The following USP9X variants were observed in gnomAD, a reference collection of about 807,000 sequenced individuals.
USP9X encodes ubiquitin carboxyl-terminal hydrolase 9X.
USP9X carries 7 observed loss-of-function variants against 190.3 expected under a neutral mutation model. The ratio of observed to expected loss-of-function variants is 0.04; its 90% CI spans 0.02 to 0.07. The LOEUF (loss-of-function observed/expected upper bound fraction) is 0.07. USP9X is among the 10% of genes least tolerant of loss of function. The probability of loss-of-function intolerance (pLI) is 1.00; values close to 1 mark genes in which losing one functional copy is unlikely to be tolerated. For missense variants in USP9X, 1,010 were observed against 1,916.9 expected, an observed-to-expected ratio of 0.53 and a Z score of 8.83; for synonymous variants, 645 against 659.5, an observed-to-expected ratio of 0.98 and a Z score of 0.34.
chrX:41,151,680 T>A (rs897055209), intron 13 of USP9X, among the ~76,000 whole-genome samples: 4 of 112,503 alleles, frequency 3.6e-5, no homozygotes, highest in Non-Finnish European at 7.5e-5. Flanking sequence ...TTGTAAAAAT[T>A]CTGTAAAGAA....
chrX:41,088,459 A>C (rs778045376), intron 1 of USP9X, among the ~76,000 whole-genome samples: 2 of 112,690 alleles, frequency 1.8e-5, no homozygotes, highest in African/African-American at 6.4e-5. Context: ...TTGGTCACAC[A>C]ACAAGTGTCT....
At position 41,197,637 on chromosome X, in the gene USP9X, C is replaced by G. The variant is rs1252023513; in HGVS notation, c.4380+127C>G. 4 of 618,119 alleles carry G rather than the reference C, an allele frequency of 6.5e-6. No homozygotes were observed. In the African/African-American group the frequency reaches 7.0e-5, roughly 11 times the overall value. 50.9% of individuals were successfully genotyped at this position (618,119 alleles called of 1,213,427 possible). On this transcript the variant is annotated intron_variant, in intron 29 of 44. Transcript: ENST00000378308. ...TTGATCTTTTCTCTTTTTTAAGAAT[C>G]TTTATCAAATTTACAGTAATTTAAG...
chrX:41,225,487 C>T (rs755855721), intron 41 of USP9X, among the ~76,000 whole-genome samples: 1 of 111,902 alleles, frequency 8.9e-6, no homozygotes, highest in South Asian at 3.7e-4. Flanking sequence ...GAATTAGTCA[C>T]TTGAAGCAAC....
At chrX:41,178,773 A>ATTTT (rs2062801443) in intron 21 of USP9X, among the ~76,000 whole-genome samples, 2 of 111,678 alleles carry the variant, frequency 1.8e-5, no homozygotes, top group Non-Finnish European at 1.9e-5. Context: ...TCTTAGCCAA[A>ATTTT]AAGTCCTTGC....
chrX:41,189,578 A>G lies in USP9X; in HGVS notation c.3977+103A>G, dbSNP rs919272871. ...CCAAAATTAAATATTTATTGTCTCT[A>G]TGGCATATTGGTATTGAGGAAAATT... On this transcript the variant is annotated intron_variant, in intron 26 of 44. Transcript: ENST00000378308. 1.4e-4 allele frequency: 107 copies of G among 771,206 alleles called. No individual in the cohort carries two copies. In the Admixed American group the frequency reaches 2.0e-3, roughly 14 times the overall value. The allele number at this position is 771,206 out of a possible 1,213,427, so 63.6% of individuals were successfully genotyped here.
At chrX:41,180,124 A>T (rs2062813163) in intron 21 of USP9X, among the ~76,000 whole-genome samples, 2 of 112,205 alleles carry the variant, frequency 1.8e-5, no homozygotes, top group Admixed American at 9.5e-5. Context: ...CATTTTCTAA[A>T]TTAAACACCT....
chrX:41,135,673 C>T (rs200380092), intron 5 of USP9X, among the ~76,000 whole-genome samples: 158 of 112,008 alleles, frequency 1.4e-3, no homozygotes, highest in Admixed American at 0.012. Flanking sequence ...CTCTGTCTCC[C>T]AGGCTGGAGT....
Position 41,118,829 on chromosome X carries a change from G to A in USP9X, c.-158-4642G>A, listed in dbSNP as rs781774551. Among the ~76,000 whole-genome samples the A allele has an allele frequency of 1.7e-3, 189 of 111,739 alleles. 1 individual carries two copies. Among genetic ancestry groups the A allele is most frequent in the African/African-American group, 6.0e-3 (184 of 30,747 alleles). On this transcript the variant is annotated intron_variant, in intron 1 of 44. Transcript: ENST00000378308. Reference sequence around the variant, plus strand: ...CAACTCTCTAGTGGTTTTCACCTCAGTTTCAATGTTAAGAACTGTACGAAC... The same window carrying A: ...CAACTCTCTAGTGGTTTTCACCTCAATTTCAATGTTAAGAACTGTACGAAC...
At chrX:41,171,410 A>G (rs1405076724) in intron 20 of USP9X, among the ~76,000 whole-genome samples, 1 of 112,239 alleles carries the variant, frequency 8.9e-6, no homozygotes, top group Non-Finnish European at 1.9e-5. Context: ...TCAGTAACAT[A>G]TAGCCAAAGA....
intron 1 of USP9X, among the ~76,000 whole-genome samples, chrX:41,095,643 A>AT (rs2061984621): frequency 8.9e-6 from 1 of 112,010 alleles, no homozygotes; most frequent in African/African-American, 3.3e-5. Context: ...GTTATGGGAG[A>AT]TGGAACTGAA....
rs905623370 is a variant in USP9X, at chrX:41,223,489, G to C, written c.6751+87G>C. ...TTTTGCTGTTGTTGCCCAGGCTGGA[G>C]TGCAATGGCGTGATCTCGGCTCACT... On this transcript the variant is annotated intron_variant, in intron 39 of 44. Coordinates refer to ENST00000378308, the MANE Select transcript of USP9X (RefSeq NM_001039591.3). The C allele has an allele frequency of 4.1e-6, 4 of 966,068 alleles. No homozygotes were observed. The African/African-American group carries it at 7.7e-5, about 19-fold the overall frequency. 79.6% of individuals were successfully genotyped at this position (966,068 alleles called of 1,213,427 possible). A position where few individuals can be genotyped will look rare whatever the true frequency, so the allele number is the denominator to read the frequency against.
chrX:41,177,592 T>A (rs1275168376), intron 21 of USP9X, among the ~76,000 whole-genome samples: 1 of 112,413 alleles, frequency 8.9e-6, no homozygotes, highest in Non-Finnish European at 1.9e-5. Context: ...AGATGCTTTG[T>A]GTAGAGAGAT....
rs1569169596 is a variant in USP9X at position 41,150,941 on chromosome X, C to T, written c.1647C>T (p.Ile549=). ...TTAAGGACCGTGATACACAAAAGAT[C>T]CAATGGATAGATCGCTTTATAGAAG... ...SCSQDRDTQK[I]QWIDRFIEEL... is the part of the protein sequence containing the mutation. Residue 549 remains isoleucine, a synonymous_variant, in exon 13 of 45, where the codon ATC becomes ATT. Transcript: ENST00000378308. 1 of 1,205,719 alleles carries T rather than the reference C, an allele frequency of 8.3e-7. No individual in the cohort carries two copies. The highest frequency in any genetic ancestry group is 3.0e-5 in the East Asian group (1 of 33,642).
chrX:41,118,338 A>G (rs1296424571), intron 1 of USP9X, among the ~76,000 whole-genome samples: 1 of 110,647 alleles, frequency 9.0e-6, no homozygotes, highest in East Asian at 2.8e-4. Context: ...TGTTTCTGCA[A>G]GCGTGACTAA....
At chrX:41,135,250 C>G (rs2062361344) in intron 5 of USP9X, among the ~76,000 whole-genome samples, 1 of 110,757 alleles carries the variant, frequency 9.0e-6, no homozygotes, top group African/African-American at 3.3e-5. Flanking sequence ...AATGAACTTG[C>G]TATGCAGAAA....
Position 41,215,836 on chromosome X carries a change from G to A in USP9X, c.5332-63G>A. 9 of 872,348 alleles carry A rather than the reference G, an allele frequency of 1.0e-5. No individual in the cohort carries two copies. In the South Asian group the frequency reaches 2.5e-4, roughly 24 times the overall value. The allele number at this position is 872,348 out of a possible 1,213,427, so 71.9% of individuals were successfully genotyped here. On this transcript the variant is annotated intron_variant, in intron 34 of 44. Coordinates refer to ENST00000378308, the MANE Select transcript of USP9X (RefSeq NM_001039591.3). Reference sequence around the variant, plus strand: ...AATATCATTTAAAAGTTTGCTTGGGGTTTTTTTTTTTTTCCTGTGGATTTT... The same window carrying A: ...AATATCATTTAAAAGTTTGCTTGGGATTTTTTTTTTTTTCCTGTGGATTTT...
At chrX:41,134,001 A>C (rs2062348820) in intron 4 of USP9X, among the ~76,000 whole-genome samples, 1 of 112,272 alleles carries the variant, frequency 8.9e-6, no homozygotes, top group African/African-American at 3.2e-5. Flanking sequence ...TCCTGACTGT[A>C]AAATGATGGA....
At chrX:41,204,352 C>T (rs182680459) in intron 31 of USP9X, among the ~76,000 whole-genome samples, 153 of 110,332 alleles carry the variant, frequency 1.4e-3, no homozygotes, top group African/African-American at 4.7e-3. Flanking sequence ...GTTGCCTGTA[C>T]CTCTGATGTC....
At position 41,205,451 on chromosome X, in the gene USP9X, G is replaced by A. The variant is rs375537832; in HGVS notation, c.4973G>A (p.Arg1658Gln). ...QVIFGHLAAS[R>Q]LQYYVPRGFW... ...ATCTTTGGTCATTTAGCTGCTTCTCGACTGCAATACTATGTGCCCAGAGGA... is the reference window on the plus strand; with the variant it reads ...ATCTTTGGTCATTTAGCTGCTTCTCAACTGCAATACTATGTGCCCAGAGGA... Residue 1658 changes from arginine (R) to glutamine (Q), a missense_variant, in exon 32 of 45, where the codon CGA (arginine) becomes CAA (glutamine). Arg to Gln is a conservative substitution (Grantham distance 43, BLOSUM62 1). This residue lies in a region of USP9X where 120 missense variants were observed against 342.7 expected (regional missense o/e 0.35). Coordinates refer to ENST00000378308, the MANE Select transcript of USP9X (RefSeq NM_001039591.3). 24 of 1,208,753 alleles carry A rather than the reference G, an allele frequency of 2.0e-5. No homozygotes were observed. Among genetic ancestry groups the A allele is most frequent in the African/African-American group, 7.0e-5 (4 of 57,035 alleles).
Sources: gnomAD v4.1 joint callset for allele counts (sites outside exome capture counted in the v4.1 genomes callset) on GRCh38, gnomAD v4.1.1 for gene constraint, gnomAD v4.1.1 regional missense constraint, MANE v1.5 for transcripts, NCBI Gene and HGNC (gene_info 2026-07-23, HGNC 2026-07-21) for gene names.